Variants in NBPF8 observed in about 807,000 individuals in gnomAD.
NBPF8 encodes the protein NBPF family member NBPF8.
At chr1:120,430,610 T>TAAAAATAC (rs1660850036) in intron 3 of NBPF8, among the ~76,000 whole-genome samples, 1 of 144,756 alleles carries the variant, frequency 6.9e-6, no homozygotes, top group South Asian at 2.2e-4. Flanking sequence ...AAAAATTAGC[T>TAAAAATAC]AGGCGTGGTG....
At chr1:120,428,897 G>C (rs1209074898) in intron 3 of NBPF8, among the ~76,000 whole-genome samples, 2 of 151,558 alleles carry the variant, frequency 1.3e-5, no homozygotes, top group Admixed American at 6.6e-5. Context: ...TTGACTCCTG[G>C]TTGAGTGCTT....
rs1177512521 is a variant in NBPF8, at chr1:120,456,501, C to T, written n.2620+1041C>T. 2.8e-5 allele frequency among the ~76,000 whole-genome samples: 3 copies of T among 105,636 alleles called. 1 individual carries two copies. The highest frequency in any genetic ancestry group is 5.6e-5 in the Non-Finnish European group (3 of 53,524). 69.3% of individuals were successfully genotyped at this position (105,636 alleles called of 152,430 possible). On this transcript the variant is annotated intron_variant and non_coding_transcript_variant, in intron 16 of 24. Transcript: ENST00000583271. The stretch of plus-strand genomic sequence containing the variant: ...AGTTAACTCTTCTTGTTGAATTGAT[C>T]CCTTTACCATTATGTAGTGGCCTTC...
intron 3 of NBPF8, among the ~76,000 whole-genome samples, chr1:120,428,520 A>G (rs1357984959): frequency 6.6e-6 from 1 of 151,938 alleles, no homozygotes; most frequent in Non-Finnish European, 1.5e-5. Flanking sequence ...TTCTTTTATG[A>G]TGAAGGAGAA....
chr1:120,433,245 TGAA>T (rs1208547432), upstream of NBPF8: 2 of 152,168 alleles, frequency 1.3e-5, no homozygotes, highest in East Asian at 3.8e-4. Flanking sequence ...AAGTCGGTAT[TGAA>T]GAAGCAATAA....
At chr1:120,418,901 C>T (rs1342717219), upstream of NBPF8, among the ~76,000 whole-genome samples, 1 of 151,612 alleles carries the variant, frequency 6.6e-6, no homozygotes, top group Non-Finnish European at 1.5e-5. Flanking sequence ...TTACTAAAAT[C>T]TCTTACAGCT....
chr1:120,434,526 G>T (rs1267815127), upstream of NBPF8, among the ~76,000 whole-genome samples: 2 of 148,984 alleles, frequency 1.3e-5, no homozygotes, highest in African/African-American at 4.9e-5. Context: ...CCCATGACAG[G>T]CCCTGGTGTG....
At chr1:120,450,502 G>A (rs1553248657) in intron 11 of NBPF8, among the ~76,000 whole-genome samples, 6 of 152,210 alleles carry the variant, frequency 3.9e-5, no homozygotes, top group African/African-American at 1.4e-4. Context: ...AATTGCTGCA[G>A]TGAATTACAT....
At chr1:120,456,384 G>A (rs1661436774) in intron 16 of NBPF8, among the ~76,000 whole-genome samples, 1 of 148,554 alleles carries the variant, frequency 6.7e-6, no homozygotes, top group Non-Finnish European at 1.5e-5. Context: ...CTCCCATTAT[G>A]ATTGTGTGGA....
chr1:120,455,596 G>A (rs1360690455), intron 16 of NBPF8, 136 bp downstream of exon 14: 1 of 510,770 alleles, frequency 2.0e-6, no homozygotes, highest in South Asian at 2.1e-5. Flanking sequence ...TTACAATGTT[G>A]TATGTTATTT....
upstream of NBPF8, chr1:120,432,184 T>C (rs1660898825): frequency 1.4e-5 from 2 of 142,084 alleles, no homozygotes; most frequent in South Asian, 4.6e-4. Context: ...TCCCTTCAGA[T>C]CTCCAATAAA....
Position 120,428,171 on chromosome 1 carries a change from A to G in NBPF8, n.510+324A>G, listed in dbSNP as rs1161656081. On this transcript the variant is annotated intron_variant and non_coding_transcript_variant, in intron 3 of 28. Transcript: ENST00000652355. ...TTGTCTGTCCCCTCCCTTTATGTAC[A>G]TAGAAAATGAGCAAACAGGTGGCCA... 1.5e-3 allele frequency among the ~76,000 whole-genome samples: 226 copies of G among 152,204 alleles called. 2 individuals are homozygous for G. The Middle Eastern group carries it at 0.02, about 14-fold the overall frequency.
At chr1:120,425,329 G>A (rs200405746) in intron 1 of NBPF8, among the ~76,000 whole-genome samples, 24,865 of 152,062 alleles carry the variant, frequency 0.16, 2,828 homozygotes, top group East Asian at 0.55. Flanking sequence ...GGAGAAAACC[G>A]CCTTAGGACT....
At chr1:120,460,694 G>A in intron 18 of NBPF8, 70 bp downstream of exon 16, 2 of 867,214 alleles carry the variant, frequency 2.3e-6, no homozygotes, top group South Asian at 1.3e-5. Flanking sequence ...AGGGAAAACA[G>A]TACATGCTGA....
intron 11 of NBPF8, among the ~76,000 whole-genome samples, chr1:120,450,585 G>A (rs1303138191): frequency 6.6e-6 from 1 of 152,088 alleles, no homozygotes; most frequent in African/African-American, 2.4e-5. Context: ...TCTTCATTCT[G>A]CTGTTTCTAA....
intron 20 of NBPF8, among the ~76,000 whole-genome samples, 185 bp from the exon 19 acceptor site, chr1:120,462,609 T>C (rs1661624783): frequency 1.1e-5 from 1 of 93,058 alleles, no homozygotes; most frequent in African/African-American, 4.2e-5. Context: ...TCCCTGTCTT[T>C]CTCTTTCATT....
upstream of NBPF8, among the ~76,000 whole-genome samples, chr1:120,435,641 G>A (rs1225605079): frequency 1.3e-5 from 2 of 148,640 alleles, no homozygotes; most frequent in African/African-American, 5.0e-5. Context: ...AGGAGATCGA[G>A]ACCATCGTGG....
chr1:120,419,295 G>A (rs1186411357), upstream of NBPF8, among the ~76,000 whole-genome samples: 9 of 152,292 alleles, frequency 5.9e-5, no homozygotes, highest in Admixed American at 2.6e-4. Context: ...AAAGCTCAGC[G>A]AGACAGCCTG....
chr1:120,419,379 C>T (rs1250767237), upstream of NBPF8, among the ~76,000 whole-genome samples: 9 of 152,298 alleles, frequency 5.9e-5, no homozygotes, highest in East Asian at 1.2e-3. Flanking sequence ...TACACCCACA[C>T]ACTCTTAATT....
upstream of NBPF8, among the ~76,000 whole-genome samples, chr1:120,419,494 T>C (rs1174901700): frequency 6.6e-6 from 1 of 151,962 alleles, no homozygotes; most frequent in Non-Finnish European, 1.5e-5. Context: ...CTCTTTATTT[T>C]TTTTTCCCCC....
Sources: allele counts gnomAD v4.1 joint callset (sites outside exome capture counted in the v4.1 genomes callset), GRCh38; gene constraint gnomAD v4.1.1; transcripts MANE v1.5; gene names NCBI Gene and HGNC (gene_info 2026-07-23, HGNC 2026-07-21).